GRIA4: variants seen among roughly 807,000 people sequenced by gnomAD.
GRIA4 encodes glutamate ionotropic receptor AMPA type subunit 4, also known as glutamate receptor 4.
GRIA4 carries 34 observed loss-of-function variants against 104.0 expected under a neutral mutation model. That is an observed-to-expected ratio of 0.33 (90% confidence interval 0.25 to 0.44). The LOEUF is 0.44. Ranked by LOEUF, GRIA4 falls within the 20% of genes least tolerant of loss-of-function variation. The pLI is 1.00. For missense variants in GRIA4, 750 were observed against 1,096.5 expected (o/e 0.68, Z 4.46); for synonymous variants, 386 against 381.9 (o/e 1.01, Z -0.13).
At chr11:105,786,271 T>A (rs550479187) in intron 4 of GRIA4, among the ~76,000 whole-genome samples, 1 of 152,104 alleles carries the variant, frequency 6.6e-6, no homozygotes, top group African/African-American at 2.4e-5. Context: ...CCGAGTTGAA[T>A]CTTCTATTCA....
chr11:105,650,862 A>G (rs183172680), intron 3 of GRIA4, among the ~76,000 whole-genome samples: 28 of 152,196 alleles, frequency 1.8e-4, no homozygotes, highest in African/African-American at 5.8e-4. Context: ...CACTAAAATT[A>G]GACAACACGT....
intron 5 of GRIA4, among the ~76,000 whole-genome samples, chr11:105,872,997 C>A (rs564894332): frequency 6.6e-6 from 1 of 151,966 alleles, no homozygotes; most frequent in Non-Finnish European, 1.5e-5. Flanking sequence ...CATAGGTATA[C>A]ATGTGCCATG....
chr11:105,665,282 T>A (rs1182796459), intron 3 of GRIA4, among the ~76,000 whole-genome samples: 1 of 152,016 alleles, frequency 6.6e-6, no homozygotes, highest in Non-Finnish European at 1.5e-5. Context: ...TTTTCAATAT[T>A]TAGGGGTACT....
chr11:105,778,445 G>A (rs573193188), intron 4 of GRIA4, among the ~76,000 whole-genome samples: 2 of 152,316 alleles, frequency 1.3e-5, no homozygotes, highest in South Asian at 2.1e-4. Flanking sequence ...GGTGGCTCAC[G>A]CCTGTAATCC....
chr11:105,617,991 G>T (rs1362903997), intron 3 of GRIA4, among the ~76,000 whole-genome samples: 2 of 151,902 alleles, frequency 1.3e-5, no homozygotes, highest in Non-Finnish European at 2.9e-5. Context: ...GCCTGATCTG[G>T]GTGTTAAGAT....
intron 3 of GRIA4, among the ~76,000 whole-genome samples, chr11:105,735,047 T>G (rs746978714): frequency 1.3e-4 from 20 of 152,208 alleles, no homozygotes; most frequent in Non-Finnish European, 2.2e-4. Flanking sequence ...CATGCTTTAC[T>G]TATTTGTATG....
At chr11:105,881,415 C>A (rs997018520) in intron 5 of GRIA4, among the ~76,000 whole-genome samples, 2 of 152,156 alleles carry the variant, frequency 1.3e-5, no homozygotes, top group Non-Finnish European at 2.9e-5. Context: ...ACAGATGAGG[C>A]AAGACATTGA....
chr11:105,895,171 A>C (rs1173810881), intron 6 of GRIA4, among the ~76,000 whole-genome samples: 1 of 152,178 alleles, frequency 6.6e-6, no homozygotes, highest in Non-Finnish European at 1.5e-5. Context: ...AAATTGAAGC[A>C]TATTCACATT....
Position 105,748,102 on chromosome 11 carries a change from C to A in GRIA4, c.248-4879C>A, listed in dbSNP as rs149736073. On this transcript the variant is annotated intron_variant, in intron 3 of 16. Transcript: ENST00000282499. ...TAGAATAACAGTGATTTCTTCTGCT[C>A]ATGATTTTACATTTGGGGCAAGACT... is the stretch of plus-strand genomic sequence containing the variant. Among the ~76,000 whole-genome samples, 909 of 152,278 alleles carry A rather than the reference C, an allele frequency of 6.0e-3. 7 individuals are homozygous for A. The highest frequency in any genetic ancestry group is 0.02 in the African/African-American group (842 of 41,558).
intron 3 of GRIA4, among the ~76,000 whole-genome samples, chr11:105,719,892 TACAGATC>T (rs771803678): frequency 2.0e-5 from 3 of 152,130 alleles, no homozygotes; most frequent in Non-Finnish European, 4.4e-5. Flanking sequence ...CTAACACTCT[TACAGATC>T]ACATTTGCTC....
chr11:105,656,827 A>G lies in GRIA4; in HGVS notation c.247+44393A>G, dbSNP rs1951859608. Among the ~76,000 whole-genome samples, 4 of 152,248 alleles carry G rather than the reference A, an allele frequency of 2.6e-5. No individual in the cohort carries two copies. In the South Asian group the frequency reaches 8.3e-4, roughly 32 times the overall value. Reference sequence around the variant, plus strand: ...TCATATTCATAATTTTAATAGGAATAAACTTTTATTTACAAAGACAAAATG... The same window carrying G: ...TCATATTCATAATTTTAATAGGAATGAACTTTTATTTACAAAGACAAAATG... On this transcript the variant is annotated intron_variant, in intron 3 of 16. Coordinates refer to ENST00000282499, the MANE Select transcript of GRIA4 (RefSeq NM_000829.4).
At chr11:105,919,187 GA>G (rs1485558220) in intron 11 of GRIA4, among the ~76,000 whole-genome samples, 1 of 151,980 alleles carries the variant, frequency 6.6e-6, no homozygotes, top group Non-Finnish European at 1.5e-5. Context: ...TCAGGATCTG[GA>G]GTGACTATTC....
Position 105,738,017 on chromosome 11 carries a change from C to T in GRIA4, c.248-14964C>T, listed in dbSNP as rs115897236. 7.2e-3 allele frequency among the ~76,000 whole-genome samples: 1,091 copies of T among 151,576 alleles called. 13 individuals are homozygous for T. Among genetic ancestry groups the T allele is most frequent in the African/African-American group, 0.025 (1,041 of 41,316 alleles). On this transcript the variant is annotated intron_variant, in intron 3 of 16. Coordinates refer to ENST00000282499, the MANE Select transcript of GRIA4 (RefSeq NM_000829.4). ...GTATATAATAAGTTCCCCCTCCCAC[C>T]CCCCTGCCCTGTTCGCTTTCCCCAG... is the stretch of plus-strand genomic sequence containing the variant.
chr11:105,788,341 T>G (rs1052344692), intron 4 of GRIA4, among the ~76,000 whole-genome samples: 5 of 151,954 alleles, frequency 3.3e-5, no homozygotes, highest in Admixed American at 6.6e-5. Context: ...AGTATGGAGA[T>G]TTCTCAAACA....
intron 3 of GRIA4, among the ~76,000 whole-genome samples, chr11:105,639,983 T>G (rs761674832): frequency 6.6e-6 from 1 of 151,986 alleles, no homozygotes; most frequent in Non-Finnish European, 1.5e-5. Flanking sequence ...TTGGCAGCAT[T>G]TGTCATACTT....
chr11:105,674,527 T>C (rs927770006), intron 3 of GRIA4, among the ~76,000 whole-genome samples: 2 of 151,856 alleles, frequency 1.3e-5, no homozygotes, highest in East Asian at 1.9e-4. Flanking sequence ...GGCTATAGTA[T>C]AATGCAGTCA....
chr11:105,695,591 C>T (rs754035859), intron 3 of GRIA4, among the ~76,000 whole-genome samples: 3 of 152,024 alleles, frequency 2.0e-5, no homozygotes, highest in Non-Finnish European at 4.4e-5. Flanking sequence ...GTAGCCTTTC[C>T]TAAACAATTC....
At chr11:105,821,822 C>T (rs1246480132) in intron 4 of GRIA4, among the ~76,000 whole-genome samples, 1 of 151,926 alleles carries the variant, frequency 6.6e-6, no homozygotes, top group Non-Finnish European at 1.5e-5. Flanking sequence ...TTCTTAATAC[C>T]CACACACACT....
At chr11:105,624,461 G>C (rs1591456507) in intron 3 of GRIA4, among the ~76,000 whole-genome samples, 2 of 152,094 alleles carry the variant, frequency 1.3e-5, no homozygotes. Context: ...CTCTTGGAAA[G>C]AGAAGGTTAG....
Sources: allele counts gnomAD v4.1 joint callset (sites outside exome capture counted in the v4.1 genomes callset), GRCh38; gene constraint gnomAD v4.1.1; transcripts MANE v1.5; gene names NCBI Gene and HGNC (gene_info 2026-07-23, HGNC 2026-07-21).